Variants in ATPSCKMT observed in about 807,000 individuals in gnomAD.
The protein encoded by ATPSCKMT is ATP synthase c subunit lysine N-methyltransferase, also known as ATP synthase subunit C lysine N-methyltransferase.
A neutral mutation model predicts 24.3 loss-of-function variants in ATPSCKMT; 24 were observed. The observed-to-expected ratio is 0.99, with a 90% CI of 0.71 to 1.39. The LOEUF is 1.39. Among genes scored for constraint, ATPSCKMT ranks in the 40% most tolerant of loss-of-function variants. ATPSCKMT has a pLI of 0.00. For synonymous variants in ATPSCKMT, 95 were observed against 110.5 expected (o/e 0.86, Z 0.88); for missense variants, 311 against 298.4 (o/e 1.04, Z -0.31).
intron 2 of ATPSCKMT, among the ~76,000 whole-genome samples, chr5:10,238,419 T>G (rs370381617): frequency 6.6e-6 from 1 of 152,228 alleles, no homozygotes; most frequent in African/African-American, 2.4e-5. Context: ...GCCTTCACAC[T>G]AAATGCTTCC....
chr5:10,234,327 CA>C (rs569777224), intron 4 of ATPSCKMT, among the ~76,000 whole-genome samples: 7 of 141,846 alleles, frequency 4.9e-5, no homozygotes, highest in African/African-American at 7.8e-5. Context: ...GACCCTGGCT[CA>C]AAAAAAAAAG....
At chr5:10,238,537 C>A (rs878913747) in intron 2 of ATPSCKMT, among the ~76,000 whole-genome samples, 4 of 152,180 alleles carry the variant, frequency 2.6e-5, no homozygotes, top group African/African-American at 7.2e-5. Flanking sequence ...GAGACACCCA[C>A]TTGCCCATCA....
chr5:10,247,398 T>C (rs932498154), intron 1 of ATPSCKMT, among the ~76,000 whole-genome samples: 3 of 152,234 alleles, frequency 2.0e-5, no homozygotes, highest in Admixed American at 1.3e-4. Context: ...TGGAGTGCAG[T>C]AGCACAATCA....
intron 4 of ATPSCKMT, 28 bp downstream of exon 4, chr5:10,235,183 A>G (rs768492123): frequency 1.1e-5 from 18 of 1,612,584 alleles, no homozygotes; most frequent in Non-Finnish European, 1.1e-5. Context: ...TCTAACCCCA[A>G]ACAGAGAGCA....
Position 10,239,202 on chromosome 5 carries a change from C to T in ATPSCKMT, c.171G>A (p.Pro57=), listed in dbSNP as rs369598317. The part of the protein sequence containing the change: ...TLVAVYAVAT[P]FVTPALRKVC... ...CTTTTCGAAGGGCTGGCGTTACAAACGGCGTGGCTACAGCGTACACAGCCA... is the reference window on the plus strand; with the variant it reads ...CTTTTCGAAGGGCTGGCGTTACAAATGGCGTGGCTACAGCGTACACAGCCA... The change falls in exon 2 of 5, where the codon CCG becomes CCA. Residue 57 remains proline (P), a synonymous_variant. Transcript: ENST00000511437. 26 of 1,614,224 alleles carry T rather than the reference C, an allele frequency of 1.6e-5. No individual in the cohort carries two copies. The highest frequency in any genetic ancestry group is 1.1e-4 in the African/African-American group (8 of 75,058).
At chr5:10,236,779 T>C in intron 2 of ATPSCKMT, 164 bp from the exon 3 acceptor site, 1 of 1,467,178 alleles carries the variant, frequency 6.8e-7, no homozygotes, top group Non-Finnish European at 9.0e-7. Flanking sequence ...TATAGCTTTG[T>C]GGACAACGTA....
At chr5:10,232,845 T>C (rs1744212900) in intron 4 of ATPSCKMT, among the ~76,000 whole-genome samples, 1 of 152,118 alleles carries the variant, frequency 6.6e-6, no homozygotes, top group Non-Finnish European at 1.5e-5. Flanking sequence ...CGGCAAGAAG[T>C]CACAGAAGGG....
intron 4 of ATPSCKMT, among the ~76,000 whole-genome samples, chr5:10,228,444 A>G (rs1743981177): frequency 6.6e-6 from 1 of 152,222 alleles, no homozygotes; most frequent in South Asian, 2.1e-4. Context: ...TCAATCTACC[A>G]ATAAAGAGTT....
chr5:10,228,384 A>G (rs1358777896), intron 4 of ATPSCKMT, among the ~76,000 whole-genome samples: 2 of 152,220 alleles, frequency 1.3e-5, no homozygotes, highest in African/African-American at 2.4e-5. Context: ...ATATACTGAT[A>G]ATGAATTTCT....
chr5:10,242,908 T>C (rs1445595403), intron 1 of ATPSCKMT, among the ~76,000 whole-genome samples: 2 of 152,228 alleles, frequency 1.3e-5, no homozygotes, highest in Admixed American at 6.5e-5. Context: ...ATCCTTTTTC[T>C]GATCAGTAGG....
At chr5:10,240,944 C>T (rs1475901722) in intron 1 of ATPSCKMT, among the ~76,000 whole-genome samples, 3 of 147,928 alleles carry the variant, frequency 2.0e-5, no homozygotes, top group South Asian at 2.1e-4. Context: ...TGCAGTGAGC[C>T]GAGATCACAC....
chr5:10,239,392 A>T (rs756560205), intron 1 of ATPSCKMT, 36 bp from the exon 2 acceptor site: 2 of 1,541,194 alleles, frequency 1.3e-6, no homozygotes, highest in East Asian at 4.5e-5. Context: ...CACATGTAGC[A>T]CCAAATCTGA....
Position 10,236,528 on chromosome 5 carries a change from G to A in ATPSCKMT, c.394C>T (p.Arg132Ter), listed in dbSNP as rs367956067. 83 of 1,613,952 alleles carry A rather than the reference G, an allele frequency of 5.1e-5. No individual in the cohort carries two copies. The African/African-American group carries it at 7.7e-4, about 15-fold the overall frequency. The change falls in exon 3 of 5, where the codon CGA (arginine) becomes TGA (stop). Residue 132 changes from arginine (R) to a stop codon, truncating the protein, a stop_gained. Transcript: ENST00000511437. LOFTEE classifies it high-confidence loss of function. ...LVWYSRYRAW[R>*]EGVHGSAKFY... ...TTGGCAGATCCATGCACACCTTCTC[G>A]CCAAGCGCGGTATCTGGAATACCAA...
intron 2 of ATPSCKMT, among the ~76,000 whole-genome samples, chr5:10,238,751 G>A (rs1744488706): frequency 6.6e-6 from 1 of 152,214 alleles, no homozygotes; most frequent in Non-Finnish European, 1.5e-5. Flanking sequence ...GAAATGCCAT[G>A]ATTTAACATA....
chr5:10,241,634 T>C (rs1744650453), intron 1 of ATPSCKMT, among the ~76,000 whole-genome samples: 1 of 152,176 alleles, frequency 6.6e-6, no homozygotes, highest in Non-Finnish European at 1.5e-5. Flanking sequence ...ATGCTAGTGA[T>C]GGGGGTAAAG....
At chr5:10,238,829 GTTCT>G (rs1744492418) in intron 2 of ATPSCKMT, among the ~76,000 whole-genome samples, 2 of 152,132 alleles carry the variant, frequency 1.3e-5, no homozygotes, top group Non-Finnish European at 2.9e-5. Flanking sequence ...CCAGTTAACT[GTTCT>G]TTTTCACCTG....
chr5:10,227,790 A>G (rs1336028596), intron 4 of ATPSCKMT, 143 bp from the exon 5 acceptor site: 18 of 681,020 alleles, frequency 2.6e-5, no homozygotes, highest in Non-Finnish European at 4.6e-5. Context: ...ACAAACACAT[A>G]AACAAACAAT....
intron 1 of ATPSCKMT, among the ~76,000 whole-genome samples, chr5:10,240,347 C>A (rs1009609661): frequency 6.6e-6 from 1 of 152,140 alleles, no homozygotes; most frequent in African/African-American, 2.4e-5. Context: ...CTTAAATATC[C>A]TTTTGAGATT....
chr5:10,238,772 T>C (rs958119612), intron 2 of ATPSCKMT, among the ~76,000 whole-genome samples: 1 of 152,242 alleles, frequency 6.6e-6, no homozygotes, highest in Non-Finnish European at 1.5e-5. Context: ...TTTCTTCTCA[T>C]GCCACCTCTG....
Sources: allele counts gnomAD v4.1 joint callset (sites outside exome capture counted in the v4.1 genomes callset), GRCh38; gene constraint gnomAD v4.1.1; transcripts MANE v1.5; gene names NCBI Gene and HGNC (gene_info 2026-07-23, HGNC 2026-07-21).